SRRM4: variants seen among roughly 807,000 people sequenced by gnomAD.
The protein encoded by SRRM4 is serine/arginine repetitive matrix 4, also known as serine/arginine repetitive matrix protein 4.
A neutral mutation model predicts 68.9 loss-of-function variants in SRRM4; 33 were observed. The observed-to-expected ratio is 0.48, with a 90% CI of 0.36 to 0.64. The LOEUF is 0.64. Among genes scored for constraint, SRRM4 ranks in the 30% least tolerant of loss-of-function variants. SRRM4 has a pLI of 0.00. For synonymous variants in SRRM4, 318 were observed against 318.8 expected, an observed-to-expected ratio of 1.00 and a Z score of 0.03; for missense variants, 817 against 827.1, an observed-to-expected ratio of 0.99 and a Z score of 0.15.
chr12:119,108,344 A>C (rs1162186261), intron 2 of SRRM4, among the ~76,000 whole-genome samples: 2 of 152,106 alleles, frequency 1.3e-5, no homozygotes, highest in Non-Finnish European at 2.9e-5. Context: ...CTTGGTGCAG[A>C]GCTGAGTTCA....
intron 1 of SRRM4, among the ~76,000 whole-genome samples, chr12:119,014,714 C>T (rs2135998897): frequency 6.6e-6 from 1 of 152,270 alleles, no homozygotes; most frequent in East Asian, 1.9e-4. Flanking sequence ...GTACAGTGGG[C>T]TCCTCTGGGG....
chr12:118,991,989 T>G (rs1051788721), intron 1 of SRRM4, among the ~76,000 whole-genome samples: 2 of 152,238 alleles, frequency 1.3e-5, no homozygotes, highest in Admixed American at 6.5e-5. Context: ...ATAGGTTTGA[T>G]AACGTGCTTA....
chr12:119,108,012 G>A (rs576918337), intron 2 of SRRM4, among the ~76,000 whole-genome samples: 7 of 152,270 alleles, frequency 4.6e-5, no homozygotes, highest in Admixed American at 3.9e-4. Flanking sequence ...CCAGTATGTT[G>A]TGTCTTTGTT....
In SRRM4 at chr12:119,067,551, A is replaced by G. The variant is rs555681832; in HGVS notation, c.132-34685A>G. Among the ~76,000 whole-genome samples, 110 of 152,236 alleles carry G rather than the reference A, an allele frequency of 7.2e-4. 4 individuals carry two copies. The South Asian group carries it at 0.023, about 31-fold the overall frequency. Reference sequence around the variant, plus strand: ...GTGAAACCCCGTCTTTACTAAAAATACAAAAAATTAGCCAGGTACAGTGGC... The same window carrying G: ...GTGAAACCCCGTCTTTACTAAAAATGCAAAAAATTAGCCAGGTACAGTGGC... On this transcript the variant is annotated intron_variant, in intron 1 of 12. Transcript: ENST00000267260.
chr12:118,990,439 T>C (rs1953309356), intron 1 of SRRM4, among the ~76,000 whole-genome samples: 1 of 152,212 alleles, frequency 6.6e-6, no homozygotes, highest in Non-Finnish European at 1.5e-5. Flanking sequence ...CGGCTTTGTC[T>C]CTATGTCATC....
intron 2 of SRRM4, among the ~76,000 whole-genome samples, chr12:119,110,792 G>A (rs148462104): frequency 0.028 from 4,230 of 152,218 alleles, 141 homozygotes; most frequent in East Asian, 0.096. Context: ...GCGATGCCCC[G>A]CCCTGCTTTG....
chr12:119,012,835 T>G (rs1048838900), intron 1 of SRRM4, among the ~76,000 whole-genome samples: 1 of 152,220 alleles, frequency 6.6e-6, no homozygotes, highest in African/African-American at 2.4e-5. Flanking sequence ...TGTTTGGTGA[T>G]TTTCTCTGTT....
intron 1 of SRRM4, among the ~76,000 whole-genome samples, chr12:119,022,454 C>T (rs1327589843): frequency 6.6e-6 from 1 of 152,136 alleles, no homozygotes; most frequent in African/African-American, 2.4e-5. Flanking sequence ...TTCACATCCA[C>T]AAATCAGCAC....
intron 9 of SRRM4, among the ~76,000 whole-genome samples, chr12:119,148,159 C>G (rs1954416369): frequency 6.6e-6 from 1 of 152,202 alleles, no homozygotes; most frequent in East Asian, 1.9e-4. Context: ...CCAAAATTTT[C>G]AAAAGATGAC....
chr12:119,050,767 G>A (rs890391970), intron 1 of SRRM4, among the ~76,000 whole-genome samples: 1 of 152,044 alleles, frequency 6.6e-6, no homozygotes, highest in African/African-American at 2.4e-5. Context: ...CTCAAACTAT[G>A]TTATCTAGAA....
At chr12:119,056,613 T>C (rs1953778003) in intron 1 of SRRM4, among the ~76,000 whole-genome samples, 1 of 152,156 alleles carries the variant, frequency 6.6e-6, no homozygotes, top group Non-Finnish European at 1.5e-5. Context: ...TCTTTTCAGT[T>C]TTTCAAACCC....
chr12:119,153,474 A>G, intron 10 of SRRM4, 65 bp from the exon 11 acceptor site: 1 of 1,107,904 alleles, frequency 9.0e-7, no homozygotes, highest in South Asian at 1.4e-5. Context: ...ATAAAGCTCA[A>G]GCCGTCTTGG....
intron 1 of SRRM4, among the ~76,000 whole-genome samples, chr12:118,992,882 C>T (rs191225243): frequency 1.7e-4 from 26 of 152,244 alleles, no homozygotes; most frequent in Admixed American, 9.2e-4. Flanking sequence ...GGCACCCAGT[C>T]CCAAGACACC....
Position 119,125,425 on chromosome 12 carries a change from G to C in SRRM4, c.560G>C (p.Arg187Pro). Residue 187 changes from arginine (R) to proline (P), a missense_variant, in exon 7 of 13, where the codon CGC becomes CCC. Arg to Pro is a moderately radical substitution (Grantham distance 103). Transcript: ENST00000267260. ...PRKSHRHRHH[R>P]CPSRSQSSES... ...AAGTCTCACCGCCACCGCCATCACC[G>C]CTGCCCCTCGCGGTCCCAGAGCTCG... The C allele has an allele frequency of 6.2e-7, 1 of 1,612,980 alleles. No homozygotes were observed. Among genetic ancestry groups the C allele is most frequent in the South Asian group, 1.1e-5 (1 of 90,958 alleles).
In SRRM4 at chr12:119,110,783, C is replaced by T. The variant is rs1322537134; in HGVS notation, c.279-3495C>T. 7.9e-5 allele frequency among the ~76,000 whole-genome samples: 12 copies of T among 152,278 alleles called. No individual in the cohort carries two copies. The East Asian group carries it at 9.7e-4, about 12-fold the overall frequency. On this transcript the variant is annotated intron_variant, in intron 2 of 12. Transcript: ENST00000267260. ...GACCCCTTGCACTTCCCAGGTGAGG[C>T]GATGCCCCGCCCTGCTTTGGCTCAT...
intron 1 of SRRM4, among the ~76,000 whole-genome samples, chr12:119,052,671 G>A (rs1953751530): frequency 6.6e-6 from 1 of 152,158 alleles, no homozygotes; most frequent in South Asian, 2.1e-4. Flanking sequence ...TGGGACTACA[G>A]GCACCCGCCA....
chr12:119,089,826 CCAT>C (rs1338639900), intron 1 of SRRM4, among the ~76,000 whole-genome samples: 1 of 152,118 alleles, frequency 6.6e-6, no homozygotes, highest in Non-Finnish European at 1.5e-5. Context: ...ATCACCATCA[CCAT>C]CATCATCATC....
At chr12:119,029,654 C>T (rs375687447) in intron 1 of SRRM4, among the ~76,000 whole-genome samples, 1 of 152,138 alleles carries the variant, frequency 6.6e-6, no homozygotes, top group Admixed American at 6.5e-5. Context: ...ATTTTAAGAC[C>T]TTTCTCAGGG....
chr12:119,015,052 G>A lies in SRRM4; in HGVS notation c.131+33039G>A, dbSNP rs141536292. 3.6e-3 allele frequency among the ~76,000 whole-genome samples: 552 copies of A among 152,304 alleles called. 3 individuals carry two copies. Among genetic ancestry groups the A allele is most frequent in the African/African-American group, 0.012 (503 of 41,564 alleles). On this transcript the variant is annotated intron_variant, in intron 1 of 12. Transcript: ENST00000267260. ...TCGATTGTGATCTGCCAATAAGATG[G>A]AATGCAATGAAGCAGTCAAAATGAA...
Sources: allele counts gnomAD v4.1 joint callset (sites outside exome capture counted in the v4.1 genomes callset), GRCh38; gene constraint gnomAD v4.1.1; transcripts MANE v1.5; gene names NCBI Gene and HGNC (gene_info 2026-07-23, HGNC 2026-07-21).